The following RAI14 variants were observed in gnomAD, a reference collection of about 807,000 sequenced individuals.
RAI14 encodes ankycorbin.
In RAI14, 45 loss-of-function variants were observed where a neutral mutation model predicts 115.4. The observed-to-expected ratio is 0.39, with a 90% CI of 0.31 to 0.50. The LOEUF is 0.50. Ranked by LOEUF, RAI14 falls within the 20% of genes least tolerant of loss-of-function variation. The pLI is 0.85. For missense variants in RAI14, 939 were observed against 1,131.2 expected, an observed-to-expected ratio of 0.83 and a Z score of 2.44; for synonymous variants, 371 against 415.4, an observed-to-expected ratio of 0.89 and a Z score of 1.30.
chr5:34,786,926 T>C (rs554526720), intron 3 of RAI14, among the ~76,000 whole-genome samples: 2 of 152,338 alleles, frequency 1.3e-5, no homozygotes, highest in African/African-American at 4.8e-5. Flanking sequence ...TAAGATTTAC[T>C]AAAAGTATTC....
At chr5:34,753,781 G>A (rs937569476) in intron 2 of RAI14, among the ~76,000 whole-genome samples, 2 of 152,138 alleles carry the variant, frequency 1.3e-5, no homozygotes. Context: ...GGGCGTGGTG[G>A]CATGTGCCTG....
intron 1 of RAI14, among the ~76,000 whole-genome samples, chr5:34,676,044 C>T (rs1743951834): frequency 6.6e-6 from 1 of 152,222 alleles, no homozygotes; most frequent in Non-Finnish European, 1.5e-5. Flanking sequence ...AATAGCATTG[C>T]TGAGTCATGT....
chr5:34,717,547 A>G (rs1742149390), intron 2 of RAI14, among the ~76,000 whole-genome samples: 1 of 152,204 alleles, frequency 6.6e-6, no homozygotes, highest in African/African-American at 2.4e-5. Flanking sequence ...TAAGGACAGC[A>G]AGAGAGCAGG....
At chr5:34,717,806 C>T (rs1742176271) in intron 2 of RAI14, among the ~76,000 whole-genome samples, 2 of 151,536 alleles carry the variant, frequency 1.3e-5, no homozygotes, top group African/African-American at 4.9e-5. Flanking sequence ...GCTTTAAGTA[C>T]TGGCATTCTT....
chr5:34,800,377 A>C (rs1754113535), intron 4 of RAI14, among the ~76,000 whole-genome samples: 1 of 152,146 alleles, frequency 6.6e-6, no homozygotes, highest in Non-Finnish European at 1.5e-5. Context: ...GGCACTTAGG[A>C]TTGCCCTTGT....
intron 1 of RAI14, among the ~76,000 whole-genome samples, chr5:34,670,001 A>G (rs552536590): frequency 6.6e-6 from 1 of 152,348 alleles, no homozygotes; most frequent in Non-Finnish European, 1.5e-5. Context: ...TTATTCCTTA[A>G]GCATATGCTC....
chr5:34,687,518 T>C, intron 2 of RAI14: 2 of 1,375,712 alleles, frequency 1.5e-6, no homozygotes, highest in Non-Finnish European at 1.9e-6. Flanking sequence ...GAAGCAGTTA[T>C]GATGTCAGAG....
chr5:34,668,042 G>A (rs1379073251), intron 1 of RAI14, among the ~76,000 whole-genome samples: 1 of 152,180 alleles, frequency 6.6e-6, no homozygotes. Flanking sequence ...CCCAGAGGAT[G>A]TGGGAACTTG....
chr5:34,738,612 C>A (rs1050558147), intron 2 of RAI14, among the ~76,000 whole-genome samples: 2 of 152,174 alleles, frequency 1.3e-5, no homozygotes, highest in African/African-American at 4.8e-5. Context: ...CACCATCACC[C>A]TTTATTCCTC....
intron 17 of RAI14, among the ~76,000 whole-genome samples, chr5:34,830,185 T>C (rs1157883446): frequency 1.3e-5 from 2 of 152,152 alleles, no homozygotes; most frequent in East Asian, 3.8e-4. Context: ...GGCTTTGCCA[T>C]GTTGCCCAGG....
In RAI14 at chr5:34,701,330, A is replaced by C. The variant is rs139385863; in HGVS notation, c.36+14375A>C. Among the ~76,000 whole-genome samples, 203 of 152,320 alleles carry C rather than the reference A, an allele frequency of 1.3e-3. 1 individual carries two copies. Among genetic ancestry groups the C allele is most frequent in the African/African-American group, 4.6e-3 (193 of 41,566 alleles). ...GCAAAGCTCCTTCTTTGTGGGGGGA[A>C]AATGTGCATCTGTAAAGAATCTCTG... On this transcript the variant is annotated intron_variant, in intron 2 of 17. Coordinates refer to ENST00000265109, the MANE Select transcript of RAI14 (RefSeq NM_015577.3).
At position 34,824,136 on chromosome 5, in the gene RAI14, T is replaced by C; in HGVS notation, c.2294T>C (p.Val765Ala). The change falls in exon 15 of 18, where the codon GTA becomes GCA. Residue 765 changes from valine to alanine, a missense_variant. Val to Ala is a moderately conservative substitution (Grantham distance 64). Coordinates refer to ENST00000265109, the MANE Select transcript of RAI14 (RefSeq NM_015577.3). ...KEHLASKEVEVAKLEKQLLEE... is the reference protein window; with the variant it reads ...KEHLASKEVEAAKLEKQLLEE... ...CACCTTGCAAGCAAGGAAGTGGAAG[T>C]AGCAAAGCTGGAGAAACAACTCTTA... 2 of 1,613,982 alleles carry C rather than the reference T, an allele frequency of 1.2e-6. No homozygotes were observed. The highest frequency in any genetic ancestry group is 1.7e-6 in the Non-Finnish European group (2 of 1,179,896).
Position 34,697,444 on chromosome 5 carries a change from A to G in RAI14, c.36+10489A>G, listed in dbSNP as rs556264982. ...AGAGTAAAACTCTGTCTCAAAAAAA[A>G]AAAAGAAAAAAAAAAAAAGAAATGG... On this transcript the variant is annotated intron_variant, in intron 2 of 17. Transcript: ENST00000265109. 2.6e-4 allele frequency among the ~76,000 whole-genome samples: 39 copies of G among 151,522 alleles called. 1 individual carries two copies. The highest frequency in any genetic ancestry group is 6.8e-3 in the Middle Eastern group (2 of 294).
rs1742979827 is a variant in RAI14, at chr5:34,664,796, C to T, written c.-49+8321C>T. ...CCTTCCCACCCTTTCCTCCTGAGTC[C>T]CCAAAGTCCATTTTGTCATTCTTAT... On this transcript the variant is annotated intron_variant, in intron 1 of 17. Coordinates refer to ENST00000265109, the MANE Select transcript of RAI14 (RefSeq NM_015577.3). Among the ~76,000 whole-genome samples, 4 of 150,966 alleles carry T rather than the reference C, an allele frequency of 2.6e-5. No homozygotes were observed. In the South Asian group the frequency reaches 8.4e-4, roughly 32 times the overall value.
chr5:34,783,059 C>T (rs975387296), intron 3 of RAI14, among the ~76,000 whole-genome samples: 15 of 152,174 alleles, frequency 9.9e-5, no homozygotes, highest in Middle Eastern at 3.4e-3. Context: ...TGTGTCAGAT[C>T]GATTATATCC....
intron 3 of RAI14, among the ~76,000 whole-genome samples, chr5:34,759,983 C>T (rs942584521): frequency 2.6e-5 from 4 of 152,156 alleles, no homozygotes; most frequent in African/African-American, 4.8e-5. Flanking sequence ...GCAGCTTCTG[C>T]GTTCGAATCA....
intron 1 of RAI14, among the ~76,000 whole-genome samples, chr5:34,673,413 G>A (rs1743754190): frequency 2.0e-5 from 3 of 152,170 alleles, no homozygotes; most frequent in Admixed American, 2.0e-4. Context: ...GACATTGTAG[G>A]TCATCCTATT....
chr5:34,820,469 G>A (rs1166431556), intron 13 of RAI14, among the ~76,000 whole-genome samples: 4 of 152,270 alleles, frequency 2.6e-5, no homozygotes, highest in African/African-American at 9.6e-5. Flanking sequence ...TTATGTAATA[G>A]TTAATTATTG....
At chr5:34,704,079 A>G (rs1240445981) in intron 2 of RAI14, among the ~76,000 whole-genome samples, 2 of 152,232 alleles carry the variant, frequency 1.3e-5, no homozygotes, top group Non-Finnish European at 1.5e-5. Flanking sequence ...CTGTGTTTCA[A>G]AAGCACCTTC....
Sources: gnomAD v4.1 joint callset for allele counts (sites outside exome capture counted in the v4.1 genomes callset) on GRCh38, gnomAD v4.1.1 for gene constraint, MANE v1.5 for transcripts, NCBI Gene and HGNC (gene_info 2026-07-23, HGNC 2026-07-21) for gene names.